Variants in SRRM1 observed in about 807,000 individuals in gnomAD.
SRRM1 encodes serine and arginine repetitive matrix 1.
Under a neutral mutation model 110.2 loss-of-function variants are expected in SRRM1, and 19 were observed. The ratio of observed to expected loss-of-function variants is 0.17; its 90% CI spans 0.12 to 0.25. The LOEUF (loss-of-function observed/expected upper bound fraction) is 0.25, where lower values mean the gene tolerates loss of function less well. Among genes scored for constraint, SRRM1 ranks in the 10% least tolerant of loss-of-function variants. SRRM1 has a pLI of 1.00. For synonymous variants in SRRM1, 443 were observed against 414.9 expected (o/e 1.07, Z -0.82); for missense variants, 918 against 1,145.8 (o/e 0.80, Z 2.87).
intron 13 of SRRM1, 47 bp downstream of exon 13, chr1:24,666,972 G>T: frequency 8.6e-7 from 1 of 1,161,296 alleles, no homozygotes; most frequent in Non-Finnish European, 1.2e-6. Flanking sequence ...AACTCCCCCC[G>T]CCCCTGATAA....
chr1:24,662,834 G>A (rs371180088), intron 12 of SRRM1, 30 bp downstream of exon 12: 12 of 1,609,710 alleles, frequency 7.5e-6, no homozygotes, highest in African/African-American at 6.7e-5. Context: ...GATGTTCACT[G>A]ATGTTCTGTA....
intron 16 of SRRM1, 31 bp downstream of exon 16, chr1:24,671,626 G>A (rs371056861): frequency 4.0e-5 from 61 of 1,539,832 alleles, no homozygotes; most frequent in Non-Finnish European, 4.9e-5. Context: ...TGGCTGTCTT[G>A]CAGTTTACGT....
intron 5 of SRRM1, among the ~76,000 whole-genome samples, chr1:24,651,162 C>G (rs553065238): frequency 2.0e-5 from 3 of 152,298 alleles, no homozygotes; most frequent in East Asian, 1.9e-4. Context: ...TGATTAAGAA[C>G]CTAAGTCTAG....
intron 12 of SRRM1, among the ~76,000 whole-genome samples, chr1:24,663,880 AT>A (rs1393765146): frequency 1.1e-4 from 1 of 9,480 alleles, no homozygotes; most frequent in East Asian, 2.7e-3. Context: ...CCTCTCAAAA[AT>A]AATAATAATA....
intron 11 of SRRM1, 128 bp downstream of exon 11, chr1:24,661,524 A>G (rs1389653754): frequency 2.6e-5 from 16 of 614,318 alleles, no homozygotes; most frequent in Non-Finnish European, 3.9e-5. Flanking sequence ...AGGAGGCAGG[A>G]TTGTTTCTTT....
chr1:24,655,429 A>G (rs1304649552), intron 9 of SRRM1, among the ~76,000 whole-genome samples: 1 of 152,188 alleles, frequency 6.6e-6, no homozygotes, highest in Non-Finnish European at 1.5e-5. Context: ...TTGGCATGAT[A>G]AGGGATCATT....
In SRRM1 at chr1:24,672,316, A is replaced by G. The variant is rs770882435; in HGVS notation, c.*30A>G. 6.0e-6 allele frequency: 9 copies of G among 1,512,492 alleles called. No individual in the cohort carries two copies. The East Asian group carries it at 1.2e-4, about 20-fold the overall frequency. 93.7% of individuals were successfully genotyped at this position (1,512,492 alleles called of 1,614,324 possible). ...AAATGTTTGTTATGATGTAAATTTT[A>G]TTTGGTTTGTACGCAGTTCAATTTC... is the stretch of plus-strand genomic sequence containing the variant. On this transcript the variant is annotated 3_prime_UTR_variant, in exon 17 of 17. Transcript: ENST00000323848.
chr1:24,665,540 C>T (rs991418632), intron 12 of SRRM1, among the ~76,000 whole-genome samples: 9 of 151,792 alleles, frequency 5.9e-5, no homozygotes, highest in African/African-American at 1.9e-4. Context: ...GGTGAAACCC[C>T]GTCTCTACTA....
chr1:24,666,299 G>T (rs1263290209), intron 12 of SRRM1, among the ~76,000 whole-genome samples: 2 of 152,068 alleles, frequency 1.3e-5, no homozygotes, highest in Admixed American at 6.6e-5. Context: ...AAAACACTCT[G>T]GTTTTATTAA....
At chr1:24,655,225 G>A (rs1397858514) in intron 9 of SRRM1, 96 bp downstream of exon 9, 12 of 1,325,926 alleles carry the variant, frequency 9.1e-6, no homozygotes, top group South Asian at 5.3e-5. Flanking sequence ...GTATGAAATA[G>A]CTAGATAATA....
At chr1:24,671,641 A>G in intron 16 of SRRM1, 46 bp downstream of exon 16, 2 of 1,499,050 alleles carry the variant, frequency 1.3e-6, no homozygotes, top group Non-Finnish European at 1.8e-6. Context: ...TTACGTACAG[A>G]TAGCAAAGTC....
At chr1:24,643,753 A>C (rs1655365386) in intron 1 of SRRM1, 1 of 216,282 alleles carries the variant, frequency 4.6e-6, no homozygotes, top group Admixed American at 5.9e-5. Context: ...GCGGCAGGGC[A>C]GGGAGAATAT....
chr1:24,650,369 C>T (rs1211853467), intron 5 of SRRM1, among the ~76,000 whole-genome samples: 2 of 152,176 alleles, frequency 1.3e-5, no homozygotes, highest in Non-Finnish European at 2.9e-5. Context: ...TAGTTCATAA[C>T]AGTTAATTTG....
Position 24,649,089 on chromosome 1 carries a change from A to G in SRRM1, c.405+60A>G, listed in dbSNP as rs79593248. The G allele has an allele frequency of 1.2e-4, 178 of 1,476,372 alleles. 2 individuals are homozygous for G. The East Asian group carries it at 3.9e-3, about 33-fold the overall frequency. 91.5% of individuals were successfully genotyped at this position (1,476,372 alleles called of 1,614,324 possible). A position where few individuals can be genotyped will look rare whatever the true frequency, so the allele number is the denominator to read the frequency against. ...AGAGTATTGGCCAGGCTGCCGAGAC[A>G]CCTTAGGTAGTATATGACTCAGCTA... On this transcript the variant is annotated intron_variant, in intron 4 of 16. Transcript: ENST00000323848.
At chr1:24,661,464 A>T (rs1416299844) in intron 11 of SRRM1, 68 bp downstream of exon 11, 1 of 1,122,878 alleles carries the variant, frequency 8.9e-7, no homozygotes, top group Non-Finnish European at 1.3e-6. Context: ...GTATATAAAC[A>T]TCTGTGTGTG....
rs528640805 is a variant in SRRM1 at position 24,652,065 on chromosome 1, TACACAC to T, written c.726-359_726-354del. ...ATATATATATATATATATATATATGTACACACACACACACAAATTAGCCGGGCATGG... is the reference window on the plus strand; with the variant it reads ...ATATATATATATATATATATATATGTACACACACAAATTAGCCGGGCATGG... On this transcript the variant is annotated intron_variant, in intron 6 of 16. Coordinates refer to ENST00000323848, the MANE Select transcript of SRRM1 (RefSeq NM_005839.4). Among the ~76,000 whole-genome samples the T allele has an allele frequency of 1.3e-3, 170 of 134,292 alleles. 1 individual carries two copies. The highest frequency in any genetic ancestry group is 4.1e-3 in the African/African-American group (150 of 36,456). The allele number at this position is 134,292 out of a possible 152,430, so 88.1% of individuals were successfully genotyped here. A position where few individuals can be genotyped will look rare whatever the true frequency, so the allele number is the denominator to read the frequency against.
chr1:24,654,959 C>T lies in SRRM1; in HGVS notation c.1145C>T (p.Pro382Leu), dbSNP rs766551832. 5.0e-6 allele frequency: 8 copies of T among 1,614,090 alleles called. No homozygotes were observed. The Admixed American group carries it at 8.3e-5, about 17-fold the overall frequency. ...KKPPKRTSSP[P>L]RKTRRLSPSA... is the part of the protein sequence containing the mutation. ...CCTCCCAAGAGGACATCCAGCCCCCCTCGGAAAACTCGTAGGTTATCTCCT... is the reference window on the plus strand; with the variant it reads ...CCTCCCAAGAGGACATCCAGCCCCCTTCGGAAAACTCGTAGGTTATCTCCT... Residue 382 changes from proline (P) to leucine (L), a missense_variant, in exon 9 of 17, where the codon CCT becomes CTT. Transcript: ENST00000323848.
intron 8 of SRRM1, chr1:24,654,201 A>G: frequency 1.1e-6 from 1 of 872,780 alleles, no homozygotes; most frequent in Non-Finnish European, 1.6e-6. Context: ...GCATGTTTAA[A>G]TTGTGCTTAC....
At chr1:24,654,773 T>C in intron 8 of SRRM1, 82 bp from the exon 9 acceptor site, 1 of 1,519,284 alleles carries the variant, frequency 6.6e-7, no homozygotes, top group Non-Finnish European at 9.0e-7. Context: ...AAAATAGCTG[T>C]ATTTTTGTGT....
Sources: gnomAD v4.1 joint callset for allele counts (sites outside exome capture counted in the v4.1 genomes callset) on GRCh38, gnomAD v4.1.1 for gene constraint, MANE v1.5 for transcripts, NCBI Gene and HGNC (gene_info 2026-07-23, HGNC 2026-07-21) for gene names.